Variants in MGAM observed in about 807,000 individuals in gnomAD.
The protein encoded by MGAM is maltase-glucoamylase.
MGAM carries 253 observed loss-of-function variants against 358.8 expected under a neutral mutation model. The observed-to-expected ratio is 0.71, with a 90% CI of 0.64 to 0.78. The LOEUF is 0.78. Ranked by LOEUF, MGAM falls within the 30% of genes least tolerant of loss-of-function variation. The probability of loss-of-function intolerance (pLI) is 0.00; values close to 1 mark genes in which losing one functional copy is unlikely to be tolerated. For synonymous variants in MGAM, 1,105 were observed against 1,227.1 expected (o/e 0.90, Z 2.08); for missense variants, 3,080 against 3,432.6 (o/e 0.90, Z 2.57).
chr7:142,027,702 C>A lies in MGAM; in HGVS notation c.1188C>A (p.Val396=). 2 of 1,613,002 alleles carry A rather than the reference C, an allele frequency of 1.2e-6. No individual in the cohort carries two copies. Among genetic ancestry groups the A allele is most frequent in the Non-Finnish European group, 1.7e-6 (2 of 1,179,366 alleles). Residue 396 remains valine, a synonymous_variant, in exon 10 of 71, where the codon GTC becomes GTA. Transcript: ENST00000475668. ...GAACCTTAGACAACATGAGGGAAGT[C>A]GTGGAGAGAAATCGCGCAGCACAGC... is the stretch of plus-strand genomic sequence containing the variant. ...EYGTLDNMRE[V]VERNRAAQLP...
intron 24 of MGAM, among the ~76,000 whole-genome samples, chr7:142,051,727 G>T (rs1810968980): frequency 6.6e-6 from 1 of 152,102 alleles, no homozygotes; most frequent in South Asian, 2.1e-4. Context: ...TTACCCTGAT[G>T]TGATTATTAT....
rs371945184 is a variant in MGAM, at chr7:142,034,364, C to T, written c.1772C>T (p.Ala591Val). Reference protein sequence around the residue: ...DIHNLYGYSMAVATAEAAKTV... With the variant: ...DIHNLYGYSMVVATAEAAKTV... ...CACAATCTGTATGGCTACTCCATGG[C>T]GGTCGCCACAGCAGAGTAAGGCCAC... The change falls in exon 15 of 71, where the codon GCG becomes GTG. Residue 591 changes from alanine (A) to valine (V), a missense_variant. By Grantham distance (64) the Ala-to-Val change is moderately conservative. Transcript: ENST00000475668. 100 of 1,577,850 alleles carry T rather than the reference C, an allele frequency of 6.3e-5. No individual in the cohort carries two copies. The highest frequency in any genetic ancestry group is 9.4e-5 in the African/African-American group (7 of 74,238).
intron 21 of MGAM, among the ~76,000 whole-genome samples, chr7:142,045,001 A>G (rs1233704633): frequency 9.5e-6 from 1 of 104,734 alleles, no homozygotes; most frequent in African/African-American, 3.5e-5. Flanking sequence ...TACACGTGTA[A>G]TATATGATAT....
At position 142,052,816 on chromosome 7, in the gene MGAM, T is replaced by G. The variant is rs1391488770; in HGVS notation, c.2991T>G (p.Tyr997Ter). 1 of 1,613,884 alleles carries G rather than the reference T, an allele frequency of 6.2e-7. No individual in the cohort carries two copies. Among genetic ancestry groups the G allele is most frequent in the Non-Finnish European group, 8.5e-7 (1 of 1,179,834 alleles). The change falls in exon 26 of 71, where the codon TAT becomes TAG. Residue 997 changes from tyrosine to a stop codon, truncating the protein, a stop_gained. Transcript: ENST00000475668. LOFTEE classifies it high-confidence loss of function. ...ATTCTTCTGGAGTCCCTTTTTGCTATTTTGTCAACGACCTATACTCTGTCA... is the reference window on the plus strand; with the variant it reads ...ATTCTTCTGGAGTCCCTTTTTGCTAGTTTGTCAACGACCTATACTCTGTCA... ...ASNSSGVPFC[Y>*]FVNDLYSVSD...
intron 21 of MGAM, among the ~76,000 whole-genome samples, chr7:142,046,322 C>T (rs1278116189): frequency 6.6e-6 from 1 of 151,420 alleles, no homozygotes; most frequent in African/African-American, 2.4e-5. Flanking sequence ...TGTTGACTTT[C>T]TTTCATGTTG....
intron 21 of MGAM, among the ~76,000 whole-genome samples, chr7:142,043,937 A>G (rs1273093182): frequency 2.7e-5 from 3 of 112,398 alleles, no homozygotes; most frequent in Non-Finnish European, 5.0e-5. Context: ...TTATATACAC[A>G]TACGACGTTT....
chr7:142,042,326 A>G (rs1808925661), intron 21 of MGAM, among the ~76,000 whole-genome samples: 1 of 162 alleles, frequency 6.2e-3, no homozygotes, highest in Admixed American at 0.25. Context: ...TATAACATAT[A>G]TTATATATAC....
Position 142,084,556 on chromosome 7 carries a change from T to C in MGAM, c.6419T>C (p.Leu2140Ser), listed in dbSNP as rs776838533. Residue 2140 changes from leucine (L) to serine (S), a missense_variant, in exon 54 of 71, where the codon TTG (leucine) becomes TCG (serine). Coordinates refer to ENST00000475668, the MANE Select transcript of MGAM (RefSeq NM_001365693.1). ...CCTGTGATGGTACCTTACTGGTCTT[T>C]GGGGTTCCAGCTGTGTCGCTATGGC... ...GRPVMVPYWS[L>S]GFQLCRYGYQ... 5 of 1,555,102 alleles carry C rather than the reference T, an allele frequency of 3.2e-6. 1 individual carries two copies. The highest frequency in any genetic ancestry group is 1.7e-5 in the Admixed American group (1 of 58,408).
At chr7:142,088,006 A>T (rs1814912628) in intron 57 of MGAM, among the ~76,000 whole-genome samples, 1 of 146,368 alleles carries the variant, frequency 6.8e-6, no homozygotes, top group Admixed American at 6.9e-5. Flanking sequence ...CCTTATCCAG[A>T]TAAGCTGGTT....
chr7:142,025,959 T>C (rs1321453060), intron 8 of MGAM, among the ~76,000 whole-genome samples: 1 of 152,008 alleles, frequency 6.6e-6, no homozygotes, highest in African/African-American at 2.4e-5. Flanking sequence ...TGAGATAATA[T>C]AATAGAAAGA....
At chr7:142,049,745 T>C (rs1360843839) in intron 22 of MGAM, among the ~76,000 whole-genome samples, 3 of 152,052 alleles carry the variant, frequency 2.0e-5, no homozygotes, top group Non-Finnish European at 4.4e-5. Flanking sequence ...AAAATTACAG[T>C]GAGCTACCAC....
At chr7:142,060,197 G>A (rs2129039221) in intron 33 of MGAM, 114 bp from the exon 34 acceptor site, 3 of 1,435,072 alleles carry the variant, frequency 2.1e-6, no homozygotes, top group South Asian at 2.4e-5. Context: ...AATCCTATGT[G>A]ATAGTCAAAG....
At chr7:142,041,476 T>A (rs1323237033) in intron 21 of MGAM, among the ~76,000 whole-genome samples, 1 of 152,074 alleles carries the variant, frequency 6.6e-6, no homozygotes, top group African/African-American at 2.4e-5. Context: ...TTTCTAACTG[T>A]TCACCTTCAA....
chr7:142,006,356 A>G (rs1026249261), intron 2 of MGAM, among the ~76,000 whole-genome samples: 4 of 152,050 alleles, frequency 2.6e-5, no homozygotes, highest in Admixed American at 1.3e-4. Context: ...GGTGGTGGAG[A>G]AGGACTCTCC....
chr7:142,072,950 G>A (rs1813461986), intron 44 of MGAM, among the ~76,000 whole-genome samples: 1 of 146,322 alleles, frequency 6.8e-6, no homozygotes, highest in Admixed American at 6.9e-5. Flanking sequence ...TCCTGTTATT[G>A]TTTTGGTCTC....
chr7:142,067,968 ATATATATATATATATATATTTT>A (rs1812968875), intron 42 of MGAM, among the ~76,000 whole-genome samples: 2 of 5,074 alleles, frequency 3.9e-4, no homozygotes, highest in African/African-American at 6.1e-4. Context: ...ATATATAAAT[ATATATATATATATATATATTTT>A]TTTTTTTTTT....
rs1480899045 is a variant in MGAM at position 142,091,163 on chromosome 7, C to T, written c.6811-750C>T. ...TCAGGAGGCTGAGGCAAAAGAATCGCGAGAACCTGGAAGGCAGAGGTTTCA... is the reference window on the plus strand; with the variant it reads ...TCAGGAGGCTGAGGCAAAAGAATCGTGAGAACCTGGAAGGCAGAGGTTTCA... On this transcript the variant is annotated intron_variant, in intron 57 of 70. Transcript: ENST00000475668. Among the ~76,000 whole-genome samples the T allele has an allele frequency of 4.2e-5, 6 of 142,622 alleles. 1 individual carries two copies. The highest frequency in any genetic ancestry group is 2.1e-4 in the Admixed American group (3 of 14,002). 93.6% of individuals were successfully genotyped at this position (142,622 alleles called of 152,430 possible).
chr7:142,043,889 A>T (rs1809496936), intron 21 of MGAM, among the ~76,000 whole-genome samples: 1 of 121,764 alleles, frequency 8.2e-6, no homozygotes, highest in Admixed American at 1.1e-4. Context: ...GACGTATAAT[A>T]TATACATTAT....
chr7:142,083,651 A>G (rs1814513987), intron 53 of MGAM, among the ~76,000 whole-genome samples: 2 of 145,828 alleles, frequency 1.4e-5, no homozygotes, highest in Admixed American at 6.9e-5. Context: ...TAGTGATAGT[A>G]GTATGGTGGT....
Sources: gnomAD v4.1 joint callset for allele counts (sites outside exome capture counted in the v4.1 genomes callset) on GRCh38, gnomAD v4.1.1 for gene constraint, MANE v1.5 for transcripts, NCBI Gene and HGNC (gene_info 2026-07-23, HGNC 2026-07-21) for gene names.